POFUT3: variants seen among roughly 807,000 people sequenced by gnomAD.
POFUT3 encodes GDP-fucose protein O-fucosyltransferase 3.
At chr8:33,367,462 T>TTA in the POFUT3 span, among the ~76,000 whole-genome samples, 1 of 152,214 alleles carries the variant, frequency 6.6e-6, no homozygotes, top group African/African-American at 2.4e-5. Flanking sequence ...GGCTTGCTGT[T>TTA]AATAAATACG....
At chr8:33,362,822 G>A in the POFUT3 span, among the ~76,000 whole-genome samples, 1 of 151,988 alleles carries the variant, frequency 6.6e-6, no homozygotes, top group Non-Finnish European at 1.5e-5. Flanking sequence ...AATAATAATG[G>A]GAGAGTGTAA....
chr8:33,406,528 C>T, the POFUT3 span, among the ~76,000 whole-genome samples: 1 of 151,994 alleles, frequency 6.6e-6, no homozygotes, highest in Non-Finnish European at 1.5e-5. Context: ...CCTTGACCTC[C>T]CAGGCTCAAG....
chr8:33,452,975 T>C, the POFUT3 span: 1 of 456,244 alleles, frequency 2.2e-6, no homozygotes, highest in Admixed American at 3.8e-5. Context: ...TCATAATCCC[T>C]TATCCAACCC....
the POFUT3 span, among the ~76,000 whole-genome samples, chr8:33,359,445 A>C: frequency 1.1e-4 from 17 of 152,322 alleles, no homozygotes; most frequent in Non-Finnish European, 2.1e-4. Context: ...TTCCAAACAC[A>C]GAAAATTACT....
At chr8:33,453,284 T>G in the POFUT3 span, 2 of 1,614,188 alleles carry the variant, frequency 1.2e-6, no homozygotes, top group South Asian at 2.2e-5. Flanking sequence ...GAAACAAGCA[T>G]CTGCTCCACA....
the POFUT3 span, among the ~76,000 whole-genome samples, chr8:33,432,081 C>G: frequency 1.3e-5 from 2 of 152,136 alleles, no homozygotes; most frequent in South Asian, 2.1e-4. Flanking sequence ...ATGAGACCAG[C>G]CTGAGCAACA....
the POFUT3 span, among the ~76,000 whole-genome samples, chr8:33,468,250 A>G: frequency 0.062 from 9,377 of 150,120 alleles, 545 homozygotes; most frequent in African/African-American, 0.16. Context: ...AAAAAAAAAA[A>G]AAAAAAAGAA....
the POFUT3 span, among the ~76,000 whole-genome samples, chr8:33,415,939 C>T: frequency 6.6e-6 from 1 of 152,108 alleles, no homozygotes; most frequent in Admixed American, 6.5e-5. Flanking sequence ...TAGTGCCTTA[C>T]TCTAAAATAA....
the POFUT3 span, among the ~76,000 whole-genome samples, chr8:33,346,520 T>G: frequency 6.6e-6 from 1 of 152,232 alleles, no homozygotes; most frequent in African/African-American, 2.4e-5. Flanking sequence ...CTGTTTCTTT[T>G]CAGAGCTTAT....
the POFUT3 span, among the ~76,000 whole-genome samples, chr8:33,428,059 G>A: frequency 2.2e-4 from 33 of 152,262 alleles, no homozygotes; most frequent in African/African-American, 7.7e-4. Flanking sequence ...AGGAGGCGGA[G>A]GTTGCAGTGA....
At chr8:33,456,258 C>T in the POFUT3 span, among the ~76,000 whole-genome samples, 1 of 152,222 alleles carries the variant, frequency 6.6e-6, no homozygotes, top group African/African-American at 2.4e-5. Context: ...CATTTCAGAT[C>T]AATATCTACT....
At chr8:33,327,194 G>A in the POFUT3 span, among the ~76,000 whole-genome samples, 1,485 of 152,272 alleles carry the variant, frequency 9.8e-3, 12 homozygotes, top group Admixed American at 0.015. Context: ...TGCTGGCCTC[G>A]TTTGCTGAAG....
At chr8:33,394,231 C>A in the POFUT3 span, 1 of 209,580 alleles carries the variant, frequency 4.8e-6, no homozygotes. Flanking sequence ...CATTTTCTGC[C>A]AAAGGTGGTG....
chr8:33,366,572 C>T, the POFUT3 span, among the ~76,000 whole-genome samples: 2 of 152,264 alleles, frequency 1.3e-5, no homozygotes, highest in East Asian at 3.9e-4. Context: ...TATTCAGTGT[C>T]AACAGTAACA....
the POFUT3 span, among the ~76,000 whole-genome samples, chr8:33,346,208 T>C: frequency 0.1 from 15,544 of 150,826 alleles, 910 homozygotes; most frequent in Non-Finnish European, 0.13. Flanking sequence ...AACTGCCTAA[T>C]TGTGAGCTAA....
chr8:33,469,903 C>T, the POFUT3 span, among the ~76,000 whole-genome samples: 1 of 136,660 alleles, frequency 7.3e-6, no homozygotes, highest in Non-Finnish European at 1.5e-5. Flanking sequence ...TCAGGCGATT[C>T]TCCTGCCTCA....
At chr8:33,378,675 C>T in the POFUT3 span, among the ~76,000 whole-genome samples, 1 of 152,130 alleles carries the variant, frequency 6.6e-6, no homozygotes, top group East Asian at 1.9e-4. Context: ...TCATCTGTGG[C>T]ATAGCAATGC....
the POFUT3 span, among the ~76,000 whole-genome samples, chr8:33,428,161 C>G: frequency 6.6e-6 from 1 of 152,036 alleles, no homozygotes; most frequent in Non-Finnish European, 1.5e-5. Flanking sequence ...TCCTCATCTC[C>G]TTCTCTCTCC....
the POFUT3 span, chr8:33,452,260 G>A: frequency 6.6e-6 from 1 of 152,086 alleles, no homozygotes; most frequent in African/African-American, 2.4e-5. Flanking sequence ...AGTGTTATAT[G>A]TAACTTTCTA....
Sources: allele counts gnomAD v4.1 joint callset (sites outside exome capture counted in the v4.1 genomes callset), GRCh38; gene constraint gnomAD v4.1.1; transcripts MANE v1.5; gene names NCBI Gene and HGNC (gene_info 2026-07-23, HGNC 2026-07-21).